Variants in SCML2 observed in about 807,000 individuals in gnomAD.
SCML2 encodes Scm polycomb group protein like 2.
Under a neutral mutation model 48.4 loss-of-function variants are expected in SCML2, and 6 were observed. That is an observed-to-expected ratio of 0.12 (90% CI 0.07 to 0.24). The LOEUF (loss-of-function observed/expected upper bound fraction) is 0.24. Ranked by LOEUF, SCML2 falls within the 10% of genes least tolerant of loss-of-function variation. The pLI, the probability that SCML2 is intolerant of heterozygous loss-of-function variation, is 1.00. For synonymous variants in SCML2, 181 were observed against 189.5 expected, an observed-to-expected ratio of 0.95 and a Z score of 0.37; for missense variants, 377 against 528.2, an observed-to-expected ratio of 0.71 and a Z score of 2.81.
At chrX:18,242,334 G>C in intron 14 of SCML2, 105 bp downstream of exon 14, 2 of 860,636 alleles carry the variant, frequency 2.3e-6, no homozygotes, top group Non-Finnish European at 3.2e-6. Flanking sequence ...GGAAAAATCA[G>C]TTGATAGGGT....
At chrX:18,262,070 T>C (rs1294724540) in intron 8 of SCML2, among the ~76,000 whole-genome samples, 1 of 108,806 alleles carries the variant, frequency 9.2e-6, no homozygotes, top group Non-Finnish European at 1.9e-5. Context: ...CAAACATAAG[T>C]TGAAACAAAA....
chrX:18,307,128 C>A (rs897556584), intron 6 of SCML2, among the ~76,000 whole-genome samples: 2 of 110,789 alleles, frequency 1.8e-5, no homozygotes, highest in Admixed American at 1.9e-4. Context: ...GCAAAAAATA[C>A]AAAAATTAGC....
Position 18,245,676 on chromosome X carries a change from T to C in SCML2, c.1822+901A>G, listed in dbSNP as rs779871821. Among the ~76,000 whole-genome samples the C allele has an allele frequency of 6.2e-5, 7 of 112,266 alleles. No homozygotes were observed. In the South Asian group the frequency reaches 2.2e-3, roughly 36 times the overall value. Reference sequence around the variant, plus strand: ...CACCCTCACTCTCCTGTACCCTTAATCCTTCAAAGGTACAGGGTATTAGCC... The same window carrying C: ...CACCCTCACTCTCCTGTACCCTTAACCCTTCAAAGGTACAGGGTATTAGCC... On this transcript the variant is annotated intron_variant, in intron 13 of 14. Transcript: ENST00000251900.
chrX:18,273,441 T>G (rs1405587851), intron 7 of SCML2, among the ~76,000 whole-genome samples: 2 of 111,500 alleles, frequency 1.8e-5, no homozygotes, highest in Non-Finnish European at 3.8e-5. Context: ...AAAAGTAGAA[T>G]TCATTTTGTT....
At chrX:18,275,617 G>T (rs1301360218) in intron 7 of SCML2, among the ~76,000 whole-genome samples, 5 of 112,306 alleles carry the variant, frequency 4.5e-5, no homozygotes, top group Non-Finnish European at 1.9e-5. Flanking sequence ...TCAAATATCT[G>T]GTCTAGGGCC....
At chrX:18,327,564 A>G (rs1396598266) in intron 3 of SCML2, among the ~76,000 whole-genome samples, 1 of 111,845 alleles carries the variant, frequency 8.9e-6, no homozygotes, top group Admixed American at 9.5e-5. Context: ...AAAATACTTA[A>G]TTCATCTCCA....
chrX:18,264,431 T>TTGTGTGTGTGTG (rs149069692), intron 8 of SCML2, among the ~76,000 whole-genome samples: 11 of 83,926 alleles, frequency 1.3e-4, no homozygotes, highest in Non-Finnish European at 2.1e-4. Context: ...ATCAGTACGA[T>TTGTGTGTGTGTG]TGTGTGTGTG....
At chrX:18,300,703 A>G (rs1269149080) in intron 7 of SCML2, among the ~76,000 whole-genome samples, 1 of 108,925 alleles carries the variant, frequency 9.2e-6, no homozygotes, top group Non-Finnish European at 1.9e-5. Context: ...AGGCAGGAAA[A>G]TCAATTGAAC....
intron 7 of SCML2, among the ~76,000 whole-genome samples, chrX:18,291,863 A>G (rs895745694): frequency 8.9e-6 from 1 of 111,940 alleles, no homozygotes; most frequent in Non-Finnish European, 1.9e-5. Flanking sequence ...TAAGACATTT[A>G]AAGTATTTAA....
chrX:18,292,749 T>C (rs1490936480), intron 7 of SCML2, among the ~76,000 whole-genome samples: 3 of 111,646 alleles, frequency 2.7e-5, no homozygotes, highest in Non-Finnish European at 5.7e-5. Flanking sequence ...TTCCAGATTT[T>C]TTTTACATAT....
intron 7 of SCML2, among the ~76,000 whole-genome samples, chrX:18,286,365 A>G (rs1030752228): frequency 8.9e-6 from 1 of 112,031 alleles, no homozygotes; most frequent in African/African-American, 3.2e-5. Flanking sequence ...CCTATTAAAA[A>G]TAACATTAGA....
intron 7 of SCML2, among the ~76,000 whole-genome samples, chrX:18,303,481 C>T (rs1928659373): frequency 8.9e-6 from 1 of 111,900 alleles, no homozygotes; most frequent in Non-Finnish European, 1.9e-5. Context: ...TCACATCATG[C>T]ACCTTTTGTG....
intron 4 of SCML2, 114 bp from the exon 5 acceptor site, chrX:18,324,207 A>T: frequency 2.0e-6 from 1 of 491,128 alleles, no homozygotes; most frequent in East Asian, 3.6e-5. Context: ...ACAGTGGATG[A>T]TGAGTGAGGT....
intron 7 of SCML2, among the ~76,000 whole-genome samples, chrX:18,275,494 T>C (rs899735177): frequency 7.1e-5 from 8 of 112,679 alleles, no homozygotes; most frequent in African/African-American, 9.7e-5. Context: ...TGTATTTATC[T>C]CTATTGGCAT....
At chrX:18,341,671 A>C (rs1312002355) in intron 1 of SCML2, among the ~76,000 whole-genome samples, 1 of 112,062 alleles carries the variant, frequency 8.9e-6, no homozygotes, top group Non-Finnish European at 1.9e-5. Context: ...CAAAAAGGAA[A>C]ACACTTGGGT....
intron 7 of SCML2, among the ~76,000 whole-genome samples, chrX:18,300,198 G>T (rs1360818380): frequency 9.2e-6 from 1 of 108,530 alleles, no homozygotes; most frequent in South Asian, 4.0e-4. Context: ...CTAGGAGGTC[G>T]AGACCAGCCT....
chrX:18,262,637 G>A (rs1927111593), intron 8 of SCML2, among the ~76,000 whole-genome samples: 1 of 101,874 alleles, frequency 9.8e-6, no homozygotes, highest in South Asian at 4.3e-4. Context: ...CACCACGCCT[G>A]GCTGGGTCTA....
At chrX:18,309,864 G>A (rs890190988) in intron 6 of SCML2, among the ~76,000 whole-genome samples, 3 of 110,766 alleles carry the variant, frequency 2.7e-5, no homozygotes, top group African/African-American at 9.9e-5. Flanking sequence ...GTGCCCCAAA[G>A]CCCCCCAGCA....
intron 7 of SCML2, among the ~76,000 whole-genome samples, chrX:18,299,119 A>G (rs1250508238): frequency 8.9e-6 from 1 of 111,965 alleles, no homozygotes; most frequent in Non-Finnish European, 1.9e-5. Flanking sequence ...ACCCTTGAAT[A>G]GGAGAAAATA....
Sources: gnomAD v4.1 joint callset for allele counts (sites outside exome capture counted in the v4.1 genomes callset) on GRCh38, gnomAD v4.1.1 for gene constraint, MANE v1.5 for transcripts, NCBI Gene and HGNC (gene_info 2026-07-23, HGNC 2026-07-21) for gene names.